The following NECAB3 variants were observed in gnomAD, a reference collection of about 807,000 sequenced individuals.
NECAB3 encodes N-terminal EF-hand calcium binding protein 3.
In NECAB3, 38 loss-of-function variants were observed where a neutral mutation model predicts 57.2. The ratio of observed to expected loss-of-function variants is 0.66; its 90% CI spans 0.51 to 0.87. The LOEUF (loss-of-function observed/expected upper bound fraction) is 0.87, where lower values mean the gene tolerates loss of function less well. NECAB3 is among the 40% of genes least tolerant of loss of function. NECAB3 has a pLI of 0.00. For synonymous variants in NECAB3, 223 were observed against 222.6 expected (o/e 1.00, Z -0.02); for missense variants, 474 against 527.5 (o/e 0.90, Z 0.99).
intron 5 of NECAB3, chr20:33,668,490 G>T: frequency 2.3e-6 from 1 of 436,366 alleles, no homozygotes; most frequent in Non-Finnish European, 4.1e-6. Flanking sequence ...CCTACTTTAT[G>T]GCAATAAAGG....
At chr20:33,667,982 C>T in intron 5 of NECAB3, 1 of 1,548,502 alleles carries the variant, frequency 6.5e-7, no homozygotes, top group Non-Finnish European at 8.7e-7. Flanking sequence ...CTGGCAGACA[C>T]CGTGGTGCTA....
At position 33,657,949 on chromosome 20, in the gene NECAB3, G is replaced by T. The variant is rs945606303; in HGVS notation, c.1155C>A (p.Phe385Leu). 2 of 1,556,680 alleles carry T rather than the reference G, an allele frequency of 1.3e-6. No homozygotes were observed. The highest frequency in any genetic ancestry group is 4.9e-5 in the East Asian group (2 of 41,198). Residue 385 changes from phenylalanine to leucine, a missense_variant, in exon 11 of 12, where the codon TTC (phenylalanine) becomes TTA (leucine). Coordinates refer to ENST00000246190, the MANE Select transcript of NECAB3 (RefSeq NM_031232.4). ...LRAPDTLTTV[F>L]FPASWWIMNN... ...TGGGGGTCCACCGCATACCTGGGAAGAACACAGTGGTGAGGGTGTCCGGGG... is the reference window on the plus strand; with the variant it reads ...TGGGGGTCCACCGCATACCTGGGAATAACACAGTGGTGAGGGTGTCCGGGG...
intron 10 of NECAB3, among the ~76,000 whole-genome samples, 164 bp from the exon 11 acceptor site, chr20:33,658,197 C>T (rs1389797605): frequency 6.6e-6 from 1 of 152,192 alleles, no homozygotes; most frequent in East Asian, 1.9e-4. Flanking sequence ...GCACACGGTG[C>T]TTGGCATAGG....
At chr20:33,661,241 T>C (rs1374179994) in intron 5 of NECAB3, among the ~76,000 whole-genome samples, 4 of 152,184 alleles carry the variant, frequency 2.6e-5, no homozygotes. Flanking sequence ...ATAAAGGGCC[T>C]GCCCACTTGT....
At position 33,674,302 on chromosome 20, in the gene NECAB3, G is replaced by T; in HGVS notation, c.51C>A (p.Pro17=). 8.2e-7 allele frequency: 1 copy of T among 1,222,936 alleles called. No individual in the cohort carries two copies. The highest frequency in any genetic ancestry group is 1.0e-6 in the Non-Finnish European group (1 of 981,846). 75.8% of individuals were successfully genotyped at this position (1,222,936 alleles called of 1,614,324 possible). ...GCCGCGGGGTCTGGGGCTGGGGCTG[G>T]GGCGCGGGCGGCCGGAGCAGGCACA... The part of the protein sequence containing the change: ...LTVCLLRPPA[P]QPQPQTPRHP... Residue 17 remains proline, a synonymous_variant, in exon 1 of 12, where the codon CCC becomes CCA. Coordinates refer to ENST00000246190, the MANE Select transcript of NECAB3 (RefSeq NM_031232.4).
intron 5 of NECAB3, chr20:33,664,134 T>A (rs2017583745): frequency 2.3e-6 from 1 of 437,046 alleles, no homozygotes; most frequent in African/African-American, 2.1e-5. Flanking sequence ...CCCCCAACAC[T>A]CCAAATCCAG....
chr20:33,661,857 C>T (rs1385038418), intron 5 of NECAB3, among the ~76,000 whole-genome samples: 1 of 152,136 alleles, frequency 6.6e-6, no homozygotes, highest in African/African-American at 2.4e-5. Context: ...CACTATGTTG[C>T]CCAGGCTGGA....
intron 5 of NECAB3, chr20:33,663,657 C>T (rs758981545): frequency 2.5e-6 from 4 of 1,588,498 alleles, no homozygotes; most frequent in Non-Finnish European, 3.4e-6. Flanking sequence ...GCGGAGCGGG[C>T]GAAGGTAGCG....
chr20:33,660,716 C>T lies in NECAB3; in HGVS notation c.388-321G>A, dbSNP rs904564568. 6.6e-6 allele frequency among the ~76,000 whole-genome samples: 1 copy of T among 152,196 alleles called. No individual in the cohort carries two copies. The highest frequency in any genetic ancestry group is 1.5e-5 in the Non-Finnish European group (1 of 68,026). On this transcript the variant is annotated intron_variant, in intron 5 of 11. Transcript: ENST00000246190. This position sits in a 1 kb window ranked among gnomAD's most constrained non-coding sequence, Gnocchi z 4.1. ...TTCAGCACTGTCATAGCCAGTGAGTCCCAGCCACAGCTAGGCTGGGTGGGG... is the reference window on the plus strand; with the variant it reads ...TTCAGCACTGTCATAGCCAGTGAGTTCCAGCCACAGCTAGGCTGGGTGGGG...
rs957176309 is a variant in NECAB3 at position 33,674,393 on chromosome 20, A to T, written c.-41T>A. ...TCGGGCTCGGCTGCGGTTGCTGCCG[A>T]CCCTGGACGCCGCGGCGGACTCGGT... On this transcript the variant is annotated 5_prime_UTR_variant, in exon 1 of 12. Transcript: ENST00000246190. 5.2e-6 allele frequency: 6 copies of T among 1,143,844 alleles called. No homozygotes were observed. Among genetic ancestry groups the T allele is most frequent in the Non-Finnish European group, 6.4e-6 (6 of 931,964 alleles). 70.9% of individuals were successfully genotyped at this position (1,143,844 alleles called of 1,614,324 possible).
chr20:33,667,844 T>C (rs1042718282), intron 5 of NECAB3: 1 of 1,609,670 alleles, frequency 6.2e-7, no homozygotes, highest in Non-Finnish European at 8.5e-7. Flanking sequence ...TGCGTCTGCC[T>C]CAGCAGTGAG....
intron 5 of NECAB3, chr20:33,668,292 A>G: frequency 6.5e-7 from 1 of 1,527,488 alleles, no homozygotes; most frequent in Non-Finnish European, 8.8e-7. Flanking sequence ...CTATCTAAAG[A>G]GTCAAGTGTT....
rs759833101 is a variant in NECAB3 at position 33,659,880 on chromosome 20, C to G, written c.643+5G>C. The G allele has an allele frequency of 1.9e-6, 3 of 1,543,314 alleles. No homozygotes were observed. The highest frequency in any genetic ancestry group is 1.4e-5 in the African/African-American group (1 of 73,156). On this transcript the variant is annotated splice_donor_5th_base_variant and intron_variant, in intron 7 of 11. Transcript: ENST00000246190. ...GCCAGGCCTCCCACCCCACCCCAGG[C>G]GCACCTGTGTCAGAAGAGCCGGGGG...
intron 5 of NECAB3, chr20:33,663,421 G>A (rs1601159530): frequency 8.6e-7 from 1 of 1,157,398 alleles, no homozygotes; most frequent in Non-Finnish European, 1.2e-6. Flanking sequence ...GGACCCGGGT[G>A]GACGACAGGA....
Position 33,674,349 on chromosome 20 carries a change from C to T in NECAB3, c.4G>A (p.Ala2Thr), listed in dbSNP as rs1225681736. The T allele has an allele frequency of 3.4e-6, 4 of 1,192,556 alleles. No homozygotes were observed. In the East Asian group the frequency reaches 1.4e-4, roughly 43 times the overall value. The allele number at this position is 1,192,556 out of a possible 1,614,324, so 73.9% of individuals were successfully genotyped here. Residue 2 changes from alanine (A) to threonine (T), a missense_variant, in exon 1 of 12, where the codon GCG becomes ACG. Physicochemically the swap from Ala to Thr is moderately conservative, Grantham distance 58 (BLOSUM62 0). Coordinates refer to ENST00000246190, the MANE Select transcript of NECAB3 (RefSeq NM_031232.4). M[A>T]CAGLLTVCLL... ...CACACGGTGAGCAGCCCCGCGCACG[C>T]CATGGCGCCGCCACCCGCTCGGGCT... is the stretch of plus-strand genomic sequence containing the variant.
At chr20:33,659,405 G>A (rs1231062580) in intron 8 of NECAB3, 92 bp downstream of exon 8, 2 of 1,182,226 alleles carry the variant, frequency 1.7e-6, no homozygotes, top group Non-Finnish European at 2.3e-6. Context: ...GCGCACTGCA[G>A]AGGGTTGGTG....
chr20:33,658,267 T>C (rs1233305657), intron 10 of NECAB3, among the ~76,000 whole-genome samples: 1 of 152,190 alleles, frequency 6.6e-6, no homozygotes, highest in African/African-American at 2.4e-5. Flanking sequence ...GTCCCTGTGC[T>C]GTATTCAGCT....
rs2017810801 is a variant in NECAB3 at position 33,670,688 on chromosome 20, T to C, written c.259A>G (p.Thr87Ala). 6 of 1,601,956 alleles carry C rather than the reference T, an allele frequency of 3.7e-6. No individual in the cohort carries two copies. In the East Asian group the frequency reaches 1.3e-4, roughly 36 times the overall value. ...ACGGCCCCCTCTCATACTCACTCGG[T>C]GAGATGCCCATCAATGCCGCTGAAC... is the stretch of plus-strand genomic sequence containing the variant. ...ELFSGIDGHL[T>A]DNLETEKLCD... Residue 87 changes from threonine to alanine, a missense_variant, in exon 3 of 12, where the codon ACC (threonine) becomes GCC (alanine). Thr to Ala is a moderately conservative substitution (Grantham distance 58). Transcript: ENST00000246190.
chr20:33,672,236 A>C (rs1445249279), intron 2 of NECAB3, 162 bp downstream of exon 2: 1 of 837,780 alleles, frequency 1.2e-6, no homozygotes, highest in Non-Finnish European at 1.9e-6. Context: ...CTTGGCTGAG[A>C]ACAGCACTTC....
Sources: gnomAD v4.1 joint callset for allele counts (sites outside exome capture counted in the v4.1 genomes callset) on GRCh38, gnomAD v4.1.1 for gene constraint, Gnocchi (gnomAD v3.1) non-coding constraint, MANE v1.5 for transcripts, NCBI Gene and HGNC (gene_info 2026-07-23, HGNC 2026-07-21) for gene names.